The following CENPC variants were observed in gnomAD, a reference collection of about 807,000 sequenced individuals.
CENPC encodes the protein CENP-C 1.
A neutral mutation model predicts 112.1 loss-of-function variants in CENPC; 63 were observed. That is an observed-to-expected ratio of 0.56 (90% CI 0.46 to 0.69). The LOEUF is 0.69. Ranked by LOEUF, CENPC falls within the 30% of genes least tolerant of loss-of-function variation. The pLI is 0.00. For synonymous variants in CENPC, 333 were observed against 367.6 expected, an observed-to-expected ratio of 0.91 and a Z score of 1.08; for missense variants, 1,000 against 1,103.8, an observed-to-expected ratio of 0.91 and a Z score of 1.33.
intron 10 of CENPC, 65 bp from the exon 11 acceptor site, chr4:67,506,999 A>T: frequency 1.6e-6 from 2 of 1,213,686 alleles, no homozygotes; most frequent in Non-Finnish European, 2.3e-6. Context: ...TCCAGAAACG[A>T]TACACAGGTG....
chr4:67,479,994 ATTGAAAC>A (rs1724908897), intron 17 of CENPC, among the ~76,000 whole-genome samples: 2 of 152,218 alleles, frequency 1.3e-5, no homozygotes, highest in African/African-American at 4.8e-5. Flanking sequence ...AAGCAATGAG[ATTGAAAC>A]GGTAATAAAA....
At chr4:67,502,319 C>T (rs114283037) in intron 12 of CENPC, among the ~76,000 whole-genome samples, 1,646 of 152,176 alleles carry the variant, frequency 0.011, 33 homozygotes, top group African/African-American at 0.037. Flanking sequence ...AAAGTACTGA[C>T]ACAGCGAGTC....
At chr4:67,492,096 A>G (rs1497430) in intron 16 of CENPC, 84 bp downstream of exon 16, 552,076 of 886,374 alleles carry the variant, frequency 0.62, 174,036 homozygotes, top group East Asian at 0.8. Flanking sequence ...GAGAAAGGGA[A>G]AGTAGACAGG....
At chr4:67,509,207 TACACACAC>T (rs36207189) in intron 9 of CENPC, 102 bp from the exon 10 acceptor site, 29,711 of 484,224 alleles carry the variant, frequency 0.061, 637 homozygotes, top group African/African-American at 0.15. Flanking sequence ...CATATACACA[TACACACAC>T]ACACACACAC....
intron 5 of CENPC, among the ~76,000 whole-genome samples, chr4:67,523,106 CT>C (rs1328964642): frequency 6.6e-6 from 1 of 151,926 alleles, no homozygotes; most frequent in African/African-American, 2.4e-5. Flanking sequence ...GAGGTCAGGA[CT>C]TTAAGACTGG....
intron 5 of CENPC, among the ~76,000 whole-genome samples, chr4:67,521,014 A>AAAATAAAT (rs1219970469): frequency 8.0e-6 from 1 of 125,550 alleles, no homozygotes. Context: ...TCTGTCTCAA[A>AAAATAAAT]AAATAAACAA....
In CENPC at chr4:67,472,166, C is replaced by T. The variant is rs1724682704; in HGVS notation, c.*439G>A. 1 of 152,388 alleles carries T rather than the reference C, an allele frequency of 6.6e-6. No individual in the cohort carries two copies. The highest frequency in any genetic ancestry group is 6.5e-5 in the Admixed American group (1 of 15,270). 9.4% of individuals were successfully genotyped at this position (152,388 alleles called of 1,614,324 possible). On this transcript the variant is annotated 3_prime_UTR_variant, in exon 19 of 19. Coordinates refer to ENST00000273853, the MANE Select transcript of CENPC (RefSeq NM_001812.4). ...AATAAATTTCTGTTGCTTTAAGTCA[C>T]TCATTTTGTGGTATTTTGTTACAGC...
intron 18 of CENPC, among the ~76,000 whole-genome samples, chr4:67,473,878 G>C (rs1454571041): frequency 1.3e-5 from 2 of 152,120 alleles, no homozygotes; most frequent in Non-Finnish European, 2.9e-5. Context: ...TGTTGAATGA[G>C]TGAATGAATG....
chr4:67,508,783 G>A (rs767309707), intron 10 of CENPC, 31 bp downstream of exon 10: 1 of 1,579,416 alleles, frequency 6.3e-7, no homozygotes, highest in Non-Finnish European at 8.6e-7. Flanking sequence ...AACAACAAAA[G>A]TAACTATATT....
At position 67,490,164 on chromosome 4, in the gene CENPC, T is replaced by C. The variant is rs141773725; in HGVS notation, c.2516-43A>G. 2,091 of 1,394,732 alleles carry C rather than the reference T, an allele frequency of 1.5e-3. 19 individuals are homozygous for C. The African/African-American group carries it at 0.024, about 16-fold the overall frequency. The allele number at this position is 1,394,732 out of a possible 1,614,324, so 86.4% of individuals were successfully genotyped here. On this transcript the variant is annotated intron_variant, in intron 16 of 18. Coordinates refer to ENST00000273853, the MANE Select transcript of CENPC (RefSeq NM_001812.4). ...ATACAAATATAAAACAACAGCAGTA[T>C]TGGTTAATGATATAACATATACACA...
intron 6 of CENPC, among the ~76,000 whole-genome samples, chr4:67,518,636 T>C (rs1163731467): frequency 6.6e-6 from 1 of 152,198 alleles, no homozygotes; most frequent in Non-Finnish European, 1.5e-5. Context: ...TAGGCAATGG[T>C]TCTCAGGGCA....
chr4:67,475,760 G>C (rs993198518), intron 17 of CENPC, among the ~76,000 whole-genome samples: 2 of 152,122 alleles, frequency 1.3e-5, no homozygotes, highest in Admixed American at 6.5e-5. Context: ...CATCGCGCCT[G>C]GCTAATTTTT....
chr4:67,470,274 GA>G lies in CENPC; in HGVS notation c.*2330del, dbSNP rs2109752270. The G allele has an allele frequency of 6.6e-6, 1 of 152,352 alleles. No homozygotes were observed. Among genetic ancestry groups the G allele is most frequent in the South Asian group, 2.1e-4 (1 of 4,816 alleles). The allele number at this position is 152,352 out of a possible 1,614,324, so 9.4% of individuals were successfully genotyped here. ...CATATGGGCTTTCAGTTTAGACAAA[GA>G]AAGGCTACACTTAAGCTGGGCACAG... is the stretch of plus-strand genomic sequence containing the variant. On this transcript the variant is annotated 3_prime_UTR_variant, in exon 19 of 19. Transcript: ENST00000273853.
At chr4:67,535,140 T>C (rs1321036778) in intron 4 of CENPC, among the ~76,000 whole-genome samples, 1 of 151,988 alleles carries the variant, frequency 6.6e-6, no homozygotes, top group Non-Finnish European at 1.5e-5. Flanking sequence ...GGAGGCTTGA[T>C]ATGAAAAAAT....
intron 7 of CENPC, among the ~76,000 whole-genome samples, chr4:67,515,442 G>C (rs1021964396): frequency 1.3e-5 from 2 of 151,546 alleles, no homozygotes; most frequent in African/African-American, 4.9e-5. Context: ...CTCCAGCCTG[G>C]GTGACTGAGC....
At chr4:67,501,698 T>C (rs1184402010) in intron 12 of CENPC, among the ~76,000 whole-genome samples, 1 of 152,170 alleles carries the variant, frequency 6.6e-6, no homozygotes, top group African/African-American at 2.4e-5. Flanking sequence ...TTTGTATGGT[T>C]CGAGGGTAGT....
chr4:67,538,590 G>A (rs1056919449), intron 4 of CENPC, among the ~76,000 whole-genome samples: 4 of 152,286 alleles, frequency 2.6e-5, no homozygotes, highest in African/African-American at 9.6e-5. Flanking sequence ...AGACCAAAGT[G>A]GTTAGAATTT....
At chr4:67,489,597 TGAA>T (rs1443962282) in intron 17 of CENPC, among the ~76,000 whole-genome samples, 3 of 152,100 alleles carry the variant, frequency 2.0e-5, no homozygotes, top group Non-Finnish European at 2.9e-5. Context: ...AAGTGATTTT[TGAA>T]GAAGTCTTTT....
Position 67,491,445 on chromosome 4 carries a change from TCA to T in CENPC, c.2515+733_2515+734del, listed in dbSNP as rs1491508100. On this transcript the variant is annotated intron_variant, in intron 16 of 18. Coordinates refer to ENST00000273853, the MANE Select transcript of CENPC (RefSeq NM_001812.4). The stretch of plus-strand genomic sequence containing the variant: ...ACAGTTGTTAATATATTTAAATATT[TCA>T]TATATATATATATATATATATATAT... 1.5e-3 allele frequency among the ~76,000 whole-genome samples: 98 copies of T among 64,140 alleles called. 1 individual carries two copies. The highest frequency in any genetic ancestry group is 5.7e-3 in the East Asian group (12 of 2,092). 42.1% of individuals were successfully genotyped at this position (64,140 alleles called of 152,430 possible).
Sources: gnomAD v4.1 joint callset for allele counts (sites outside exome capture counted in the v4.1 genomes callset) on GRCh38, gnomAD v4.1.1 for gene constraint, MANE v1.5 for transcripts, NCBI Gene and HGNC (gene_info 2026-07-23, HGNC 2026-07-21) for gene names.